TMEM51: variants seen among roughly 807,000 people sequenced by gnomAD.
TMEM51 encodes the protein chromosome 1 open reading frame 72.
A neutral mutation model predicts 13.6 loss-of-function variants in TMEM51; 8 were observed. That is an observed-to-expected ratio of 0.59 (90% CI 0.35 to 1.07). The LOEUF (loss-of-function observed/expected upper bound fraction) is 1.07, where lower values mean the gene tolerates loss of function less well. Ranked by LOEUF, TMEM51 falls within the 50% of genes least tolerant of loss-of-function variation. The probability of loss-of-function intolerance (pLI) is 0.02; values close to 1 mark genes in which losing one functional copy is unlikely to be tolerated. For missense variants in TMEM51, 279 were observed against 330.7 expected, an observed-to-expected ratio of 0.84 and a Z score of 1.21; for synonymous variants, 147 against 144.4, an observed-to-expected ratio of 1.02 and a Z score of -0.13.
At chr1:15,206,111 C>A (rs923015971) in intron 1 of TMEM51, among the ~76,000 whole-genome samples, 3 of 151,862 alleles carry the variant, frequency 2.0e-5, no homozygotes, top group African/African-American at 7.3e-5. Flanking sequence ...GTGGTGTGTG[C>A]CTGTAGTCCC....
chr1:15,208,341 G>A lies in TMEM51; in HGVS notation c.-266-2149G>A, dbSNP rs543266853. On this transcript the variant is annotated intron_variant, in intron 1 of 3. Transcript: ENST00000376008. ...GTCTCTACTAAAAAGTAGTAAGATA[G>A]CCAGGCATGGTGGCTCATGCCTGCA... is the stretch of plus-strand genomic sequence containing the variant. Among the ~76,000 whole-genome samples, 4 of 152,304 alleles carry A rather than the reference G, an allele frequency of 2.6e-5. No individual in the cohort carries two copies. The South Asian group carries it at 8.3e-4, about 32-fold the overall frequency.
chr1:15,179,514 A>G (rs1343105127), intron 1 of TMEM51, among the ~76,000 whole-genome samples: 1 of 152,166 alleles, frequency 6.6e-6, no homozygotes, highest in Non-Finnish European at 1.5e-5. Context: ...CCGGTGCAAT[A>G]GCTCCTGCCT....
intron 1 of TMEM51, among the ~76,000 whole-genome samples, chr1:15,184,768 A>G (rs1643720109): frequency 6.6e-6 from 1 of 152,074 alleles, no homozygotes; most frequent in African/African-American, 2.4e-5. Flanking sequence ...AATTTTTTAA[A>G]ACTCAATAGT....
intron 1 of TMEM51, among the ~76,000 whole-genome samples, chr1:15,174,587 T>C (rs182113485): frequency 2.6e-5 from 4 of 152,354 alleles, no homozygotes; most frequent in African/African-American, 9.6e-5. Flanking sequence ...TGTTTCAACC[T>C]GGAGACCTAG....
In TMEM51 at chr1:15,185,114, G is replaced by C. The variant is rs6679635; in HGVS notation, c.-266-25376G>C. On this transcript the variant is annotated intron_variant, in intron 1 of 3. Transcript: ENST00000376008. ...TGATGGTCCAGACTTTGTTCTGTGC[G>C]TATACGCAGATTTCCCATAAGCCAC... Among the ~76,000 whole-genome samples, 7 of 151,324 alleles carry C rather than the reference G, an allele frequency of 4.6e-5. No individual in the cohort carries two copies. In the East Asian group the frequency reaches 1.2e-3, roughly 25 times the overall value.
intron 1 of TMEM51, among the ~76,000 whole-genome samples, chr1:15,189,984 C>T (rs770354764): frequency 6.6e-6 from 1 of 152,198 alleles, no homozygotes; most frequent in Admixed American, 6.5e-5. Flanking sequence ...TTGCTACTGA[C>T]GGCCTGGGAC....
intron 1 of TMEM51, among the ~76,000 whole-genome samples, chr1:15,169,912 C>T (rs1318542309): frequency 6.6e-6 from 1 of 151,896 alleles, no homozygotes; most frequent in East Asian, 1.9e-4. Context: ...ATTTTTATTC[C>T]CTTTCTCCCT....
chr1:15,220,394 GA>G lies in TMEM51; in HGVS notation c.*653del. 1 of 141,026 alleles carries G rather than the reference GA, an allele frequency of 7.1e-6. No homozygotes were observed. The highest frequency in any genetic ancestry group is 2.3e-4 in the South Asian group (1 of 4,402). 8.7% of individuals were successfully genotyped at this position (141,026 alleles called of 1,614,324 possible). A position where few individuals can be genotyped will look rare whatever the true frequency, so the allele number is the denominator to read the frequency against. ...GTAACAGCAAAAAAAAAAAAAAAAAGAAGAAGAAAGAAAACTGTAGGAAATG... is the reference window on the plus strand; with the variant it reads ...GTAACAGCAAAAAAAAAAAAAAAAAGAGAAGAAAGAAAACTGTAGGAAATG... On this transcript the variant is annotated 3_prime_UTR_variant, in exon 4 of 4. Transcript: ENST00000376008.
intron 1 of TMEM51, among the ~76,000 whole-genome samples, chr1:15,189,899 C>G (rs1463609140): frequency 6.6e-6 from 1 of 152,242 alleles, no homozygotes; most frequent in Non-Finnish European, 1.5e-5. Flanking sequence ...CCCAAGGTGG[C>G]AGAGAGGCCC....
intron 1 of TMEM51, among the ~76,000 whole-genome samples, chr1:15,202,663 C>CTACT (rs1303132157): frequency 6.6e-6 from 1 of 152,168 alleles, no homozygotes; most frequent in African/African-American, 2.4e-5. Context: ...TCTTATAAGG[C>CTACT]TACTACTCAT....
intron 1 of TMEM51, among the ~76,000 whole-genome samples, chr1:15,202,493 G>T (rs1644174907): frequency 6.6e-6 from 1 of 152,154 alleles, no homozygotes; most frequent in South Asian, 2.1e-4. Context: ...TCACAATGTG[G>T]GCAGGGCTGG....
chr1:15,214,992 T>G lies in TMEM51; in HGVS notation c.-96T>G. 1 of 1,181,774 alleles carries G rather than the reference T, an allele frequency of 8.5e-7. No homozygotes were observed. The highest frequency in any genetic ancestry group is 1.2e-6 in the Non-Finnish European group (1 of 846,542). The allele number at this position is 1,181,774 out of a possible 1,614,324, so 73.2% of individuals were successfully genotyped here. A position where few individuals can be genotyped will look rare whatever the true frequency, so the allele number is the denominator to read the frequency against. On this transcript the variant is annotated 5_prime_UTR_variant, in exon 3 of 4. It adds an upstream start codon to the 5' untranslated region. Transcript: ENST00000376008. ...TATTTTCTAGTGTGGGGCGAGAGAT[T>G]TTGTGGAGCGCATTTAAGGGGTTTT...
chr1:15,195,416 G>A (rs913467847), intron 1 of TMEM51, among the ~76,000 whole-genome samples: 1 of 152,120 alleles, frequency 6.6e-6, no homozygotes, highest in African/African-American at 2.4e-5. Context: ...TGGCAATCTA[G>A]TGTGTGTTTT....
At chr1:15,178,958 G>C (rs1643531073) in intron 1 of TMEM51, among the ~76,000 whole-genome samples, 1 of 152,196 alleles carries the variant, frequency 6.6e-6, no homozygotes, top group African/African-American at 2.4e-5. Flanking sequence ...TCATTAGTCA[G>C]AACAAACCAC....
chr1:15,218,963 C>T (rs141198820), intron 3 of TMEM51, among the ~76,000 whole-genome samples: 48 of 152,336 alleles, frequency 3.2e-4, no homozygotes, highest in African/African-American at 1.1e-3. Flanking sequence ...CCACAAGAAG[C>T]AGTGCCCTTC....
intron 1 of TMEM51, among the ~76,000 whole-genome samples, chr1:15,199,584 T>G (rs1644115754): frequency 6.6e-6 from 1 of 152,110 alleles, no homozygotes; most frequent in African/African-American, 2.4e-5. Context: ...CTGAGAGGCG[T>G]AAGGAGCAGC....
chr1:15,200,948 G>T (rs558224187), intron 1 of TMEM51, among the ~76,000 whole-genome samples: 1 of 152,078 alleles, frequency 6.6e-6, no homozygotes, highest in Non-Finnish European at 1.5e-5. Flanking sequence ...TCGTGGGAGT[G>T]GGGGGCCCGG....
intron 1 of TMEM51, among the ~76,000 whole-genome samples, chr1:15,204,081 G>A (rs1008655083): frequency 1.3e-5 from 2 of 152,238 alleles, no homozygotes; most frequent in Admixed American, 6.5e-5. Context: ...AGTCCAGTCA[G>A]TGTCCAGAAC....
At chr1:15,190,748 G>A (rs760691171) in intron 1 of TMEM51, among the ~76,000 whole-genome samples, 5 of 152,074 alleles carry the variant, frequency 3.3e-5, no homozygotes, top group Non-Finnish European at 5.9e-5. Flanking sequence ...AGTCCCAAGA[G>A]TTTTTTTGTT....
Sources: allele counts gnomAD v4.1 joint callset (sites outside exome capture counted in the v4.1 genomes callset), GRCh38; gene constraint gnomAD v4.1.1; transcripts MANE v1.5; gene names NCBI Gene and HGNC (gene_info 2026-07-23, HGNC 2026-07-21).